TACR3: variants seen among roughly 807,000 people sequenced by gnomAD.
The protein encoded by TACR3 is tachykinin receptor 3, also known as neuromedin-K receptor.
Under a neutral mutation model 35.0 loss-of-function variants are expected in TACR3, and 34 were observed. The observed-to-expected ratio is 0.97, with a 90% CI of 0.74 to 1.30. TACR3 has a LOEUF of 1.30. TACR3 is among the 50% of genes most tolerant of loss of function. The pLI, the probability that TACR3 is intolerant of heterozygous loss-of-function variation, is 0.00. For synonymous variants in TACR3, 233 were observed against 221.1 expected, an observed-to-expected ratio of 1.05 and a Z score of -0.48; for missense variants, 558 against 591.7, an observed-to-expected ratio of 0.94 and a Z score of 0.59.
At chr4:103,662,600 A>G (rs1238801376) in intron 1 of TACR3, among the ~76,000 whole-genome samples, 2 of 152,184 alleles carry the variant, frequency 1.3e-5, no homozygotes, top group Non-Finnish European at 2.9e-5. Flanking sequence ...CACAGACCTT[A>G]TTTGGAAATA....
Position 103,587,790 on chromosome 4 carries a change from A to G in TACR3, c.*1892T>C, listed in dbSNP as rs1171403947. On this transcript the variant is annotated 3_prime_UTR_variant, in exon 5 of 5. Transcript: ENST00000304883. ...ATATATGTTTTAAGAATGAACATTC[A>G]AAAACATTATATTCAAACAATTAGA... The G allele has an allele frequency of 2.0e-5, 3 of 152,146 alleles. No individual in the cohort carries two copies. Among genetic ancestry groups the G allele is most frequent in the African/African-American group, 7.2e-5 (3 of 41,462 alleles). The allele number at this position is 152,146 out of a possible 1,614,324, so 9.4% of individuals were successfully genotyped here. A position where few individuals can be genotyped will look rare whatever the true frequency, so the allele number is the denominator to read the frequency against.
At chr4:103,614,115 T>C (rs1433609972) in intron 3 of TACR3, among the ~76,000 whole-genome samples, 1 of 152,158 alleles carries the variant, frequency 6.6e-6, no homozygotes, top group Non-Finnish European at 1.5e-5. Context: ...CAAAAATAAA[T>C]TTAAGATATA....
chr4:103,621,280 G>A (rs187828165), intron 3 of TACR3, among the ~76,000 whole-genome samples: 30 of 152,284 alleles, frequency 2.0e-4, no homozygotes, highest in African/African-American at 5.3e-4. Context: ...CTAGTATTAC[G>A]AATAGTTTCG....
chr4:103,613,011 G>A (rs1485500002), intron 3 of TACR3, among the ~76,000 whole-genome samples: 1 of 152,202 alleles, frequency 6.6e-6, no homozygotes, highest in Non-Finnish European at 1.5e-5. Context: ...ATGGGCTTCT[G>A]AGAGAGTGTT....
At chr4:103,613,133 T>C (rs1235420022) in intron 3 of TACR3, among the ~76,000 whole-genome samples, 2 of 152,156 alleles carry the variant, frequency 1.3e-5, no homozygotes, top group African/African-American at 4.8e-5. Flanking sequence ...TTAGCTGTCG[T>C]ATATAGTGCT....
chr4:103,708,451 T>C (rs531773947), intron 1 of TACR3, among the ~76,000 whole-genome samples: 78 of 152,322 alleles, frequency 5.1e-4, no homozygotes, highest in South Asian at 2.3e-3. Flanking sequence ...GGGTCCTGAC[T>C]GTTAGAAGGA....
At chr4:103,614,957 C>T (rs1350352488) in intron 3 of TACR3, among the ~76,000 whole-genome samples, 4 of 130,504 alleles carry the variant, frequency 3.1e-5, no homozygotes, top group East Asian at 2.5e-4. Flanking sequence ...TGCAGTGGCG[C>T]GATCTCCGCT....
At chr4:103,602,832 G>A (rs1246035342) in intron 3 of TACR3, among the ~76,000 whole-genome samples, 2 of 152,218 alleles carry the variant, frequency 1.3e-5, no homozygotes, top group African/African-American at 2.4e-5. Context: ...GCTACTCGGG[G>A]GTCAGGGAGC....
chr4:103,680,873 T>C lies in TACR3; in HGVS notation c.549-22470A>G, dbSNP rs549164901. ...ATTGAACATTATTTTGATAGCTATG[T>C]TTCTACATCTACCTCTTTGATAACA... On this transcript the variant is annotated intron_variant, in intron 1 of 4. Transcript: ENST00000304883. Among the ~76,000 whole-genome samples, 5 of 152,034 alleles carry C rather than the reference T, an allele frequency of 3.3e-5. No individual in the cohort carries two copies. In the South Asian group the frequency reaches 1.0e-3, roughly 32 times the overall value.
intron 3 of TACR3, among the ~76,000 whole-genome samples, chr4:103,618,253 A>G (rs1454929080): frequency 6.6e-6 from 1 of 152,156 alleles, no homozygotes; most frequent in Non-Finnish European, 1.5e-5. Flanking sequence ...TAATTTTTGT[A>G]TATGGTGAAA....
At chr4:103,681,347 T>G (rs951748507) in intron 1 of TACR3, among the ~76,000 whole-genome samples, 1 of 152,068 alleles carries the variant, frequency 6.6e-6, no homozygotes, top group African/African-American at 2.4e-5. Flanking sequence ...CATCAGAAAT[T>G]TATTAGATAT....
At chr4:103,630,482 T>G (rs984886973) in intron 3 of TACR3, among the ~76,000 whole-genome samples, 1 of 151,052 alleles carries the variant, frequency 6.6e-6, no homozygotes, top group Admixed American at 6.6e-5. Context: ...GAACTCAAAT[T>G]TACAAGAATA....
chr4:103,647,388 C>G (rs1366259911), intron 3 of TACR3, among the ~76,000 whole-genome samples: 2 of 151,794 alleles, frequency 1.3e-5, no homozygotes, highest in Non-Finnish European at 2.9e-5. Context: ...AAATTATTCT[C>G]AAATTGGAAT....
chr4:103,665,122 C>G (rs563069750), intron 1 of TACR3, among the ~76,000 whole-genome samples: 14 of 151,876 alleles, frequency 9.2e-5, no homozygotes, highest in African/African-American at 2.9e-4. Context: ...CCATAACTGT[C>G]TTAGACAAAC....
intron 3 of TACR3, among the ~76,000 whole-genome samples, chr4:103,614,976 G>T (rs1468104590): frequency 7.6e-6 from 1 of 131,840 alleles, no homozygotes; most frequent in Admixed American, 8.9e-5. Context: ...CTCACTGCAA[G>T]CTCCGCCTCC....
In TACR3 at chr4:103,661,103, G is replaced by T. The variant is rs965185187; in HGVS notation, c.549-2700C>A. ...AATATAGATACAGATTATAGATTTT[G>T]AATATAACCATTTATTTTAGGAGAG... On this transcript the variant is annotated intron_variant, in intron 1 of 4. Transcript: ENST00000304883. 2.6e-5 allele frequency among the ~76,000 whole-genome samples: 4 copies of T among 151,916 alleles called. No homozygotes were observed. In the East Asian group the frequency reaches 7.7e-4, roughly 29 times the overall value.
At chr4:103,664,653 C>T (rs1242302010) in intron 1 of TACR3, among the ~76,000 whole-genome samples, 1 of 152,196 alleles carries the variant, frequency 6.6e-6, no homozygotes, top group Non-Finnish European at 1.5e-5. Flanking sequence ...GCAACAGCTG[C>T]TCATGACCCA....
intron 1 of TACR3, among the ~76,000 whole-genome samples, chr4:103,662,460 T>A (rs1725853300): frequency 6.6e-6 from 1 of 152,172 alleles, no homozygotes; most frequent in Non-Finnish European, 1.5e-5. Flanking sequence ...CCTCAGGTGA[T>A]CTGCCTGCCT....
At chr4:103,603,151 T>C (rs1724251697) in intron 3 of TACR3, among the ~76,000 whole-genome samples, 2 of 152,202 alleles carry the variant, frequency 1.3e-5, no homozygotes, top group Admixed American at 1.3e-4. Flanking sequence ...CGGACTGCTG[T>C]GCTAGCAATG....
Sources: gnomAD v4.1 joint callset for allele counts (sites outside exome capture counted in the v4.1 genomes callset) on GRCh38, gnomAD v4.1.1 for gene constraint, MANE v1.5 for transcripts, NCBI Gene and HGNC (gene_info 2026-07-23, HGNC 2026-07-21) for gene names.